The following HPS4 variants were observed in gnomAD, a reference collection of about 807,000 sequenced individuals.
HPS4 encodes BLOC-3 complex member HPS4.
Under a neutral mutation model 70.3 loss-of-function variants are expected in HPS4, and 44 were observed. The ratio of observed to expected loss-of-function variants is 0.63; its 90% CI spans 0.49 to 0.80. The LOEUF (loss-of-function observed/expected upper bound fraction) is 0.80. HPS4 is among the 30% of genes least tolerant of loss of function. The pLI is 0.00. For missense variants in HPS4, 873 were observed against 884.4 expected (o/e 0.99, Z 0.16); for synonymous variants, 377 against 355.9 (o/e 1.06, Z -0.67).
intron 2 of HPS4, among the ~76,000 whole-genome samples, chr22:26,479,945 C>A (rs550630398): frequency 6.6e-6 from 1 of 152,284 alleles, no homozygotes; most frequent in African/African-American, 2.4e-5. Context: ...ACTCTGAACT[C>A]CTCTCTACCA....
chr22:26,446,435 GGCTGCACGATGCAGTC>G (rs2084955612), downstream of HPS4, among the ~76,000 whole-genome samples: 2 of 152,268 alleles, frequency 1.3e-5, no homozygotes, highest in South Asian at 2.1e-4. Flanking sequence ...CCTTGACTGT[GGCTGCACGATGCAGTC>G]ACCCGGGAAC....
intron 2 of HPS4, among the ~76,000 whole-genome samples, chr22:26,480,051 T>C (rs2091109562): frequency 1.3e-5 from 2 of 152,234 alleles, no homozygotes; most frequent in African/African-American, 4.8e-5. Flanking sequence ...TGAATTTCCA[T>C]GACCCTCTGT....
chr22:26,479,221 G>A, intron 3 of HPS4, 44 bp downstream of exon 3: 1 of 1,600,768 alleles, frequency 6.2e-7, no homozygotes, highest in South Asian at 1.1e-5. Context: ...ACCACTTGGA[G>A]GCACTGGGAT....
At position 26,464,233 on chromosome 22, in the gene HPS4, C is replaced by T. The variant is rs142958812; in HGVS notation, c.1397G>A (p.Arg466His). Residue 466 changes from arginine to histidine, a missense_variant, in exon 11 of 14, where the codon CGC becomes CAC. Transcript: ENST00000398145. The stretch of plus-strand genomic sequence containing the variant: ...TAAGCGAGGCAATAACAAGGGCCTG[C>T]GGGTCCTTCTGGGGAGAGGGTCTGC... ...PRADPLPRRT[R>H]RPLLLPRLDP... 576 of 1,614,140 alleles carry T rather than the reference C, an allele frequency of 3.6e-4. 1 individual carries two copies. The highest frequency in any genetic ancestry group is 4.1e-4 in the Non-Finnish European group (488 of 1,180,028).
In HPS4 at chr22:26,453,411, G is replaced by C; in HGVS notation, c.1956-7C>G. 1 of 1,613,672 alleles carries C rather than the reference G, an allele frequency of 6.2e-7. No homozygotes were observed. Among genetic ancestry groups the C allele is most frequent in the Non-Finnish European group, 8.5e-7 (1 of 1,180,012 alleles). ...CACAGCCGTGGAGGCATTTCTGTTGGAGGAAGAAAGAAGGCAACGGTCCAA... is the reference window on the plus strand; with the variant it reads ...CACAGCCGTGGAGGCATTTCTGTTGCAGGAAGAAAGAAGGCAACGGTCCAA... On this transcript the variant is annotated splice_polypyrimidine_tract_variant and splice_region_variant and intron_variant, in intron 13 of 13. Coordinates refer to ENST00000398145, the MANE Select transcript of HPS4 (RefSeq NM_022081.6).
chr22:26,474,161 C>T (rs957386849), intron 4 of HPS4, among the ~76,000 whole-genome samples: 1 of 152,240 alleles, frequency 6.6e-6, no homozygotes, highest in African/African-American at 2.4e-5. Context: ...AGAACTTATA[C>T]TATCTGGTTT....
intron 10 of HPS4, among the ~76,000 whole-genome samples, chr22:26,465,241 A>G (rs148058072): frequency 1.3e-5 from 2 of 152,348 alleles, no homozygotes; most frequent in Non-Finnish European, 2.9e-5. Context: ...TAGCTGGTAT[A>G]AGTAAGAGAG....
chr22:26,476,927 G>C (rs1252662648), intron 4 of HPS4, 66 bp downstream of exon 4: 3 of 1,567,626 alleles, frequency 1.9e-6, no homozygotes, highest in African/African-American at 2.7e-5. Flanking sequence ...TCAAGACTCA[G>C]AAACAACATA....
At chr22:26,453,757 G>A (rs2085595525) in intron 13 of HPS4, 1 of 357,452 alleles carries the variant, frequency 2.8e-6, no homozygotes, top group East Asian at 7.1e-5. Flanking sequence ...TCTCTGCTTT[G>A]CCCCTCACAT....
In HPS4 at chr22:26,471,898, A is replaced by T. The variant is rs577546807; in HGVS notation, c.501+404T>A. 1.5e-3 allele frequency among the ~76,000 whole-genome samples: 232 copies of T among 152,312 alleles called. 1 individual carries two copies. The highest frequency in any genetic ancestry group is 5.2e-3 in the African/African-American group (216 of 41,578). ...AAACAGTTCCCAACCATTCTCTCTC[A>T]AAGACAGCAACCTTGTTTTTGAAAT... On this transcript the variant is annotated intron_variant, in intron 6 of 13. Transcript: ENST00000398145.
intron 2 of HPS4, chr22:26,479,749 G>A (rs1206231907): frequency 1.1e-6 from 1 of 934,276 alleles, no homozygotes; most frequent in African/African-American, 1.8e-5. Context: ...CTCCTCATAA[G>A]TGCTGAGCAC....
chr22:26,465,076 C>G (rs1208507091), intron 10 of HPS4, among the ~76,000 whole-genome samples: 2 of 152,220 alleles, frequency 1.3e-5, no homozygotes, highest in African/African-American at 4.8e-5. Context: ...TGACCCACAT[C>G]TGGAAGGTCT....
chr22:26,454,373 A>G (rs2085713528), intron 13 of HPS4, among the ~76,000 whole-genome samples: 1 of 152,222 alleles, frequency 6.6e-6, no homozygotes, highest in Non-Finnish European at 1.5e-5. Context: ...CTGGGCTGCT[A>G]TTCAACATTT....
At chr22:26,448,544 C>A (rs1179707722), downstream of HPS4, among the ~76,000 whole-genome samples, 2 of 152,184 alleles carry the variant, frequency 1.3e-5, no homozygotes, top group Non-Finnish European at 2.9e-5. Context: ...GGGCCTCAAG[C>A]CCTTTCCTCA....
chr22:26,445,942 C>T (rs969822783), downstream of HPS4, among the ~76,000 whole-genome samples: 1 of 152,194 alleles, frequency 6.6e-6, no homozygotes, highest in Non-Finnish European at 1.5e-5. Flanking sequence ...CTAGAAGCAG[C>T]CGGGCTGCCG....
At chr22:26,478,254 A>C (rs765935068) in intron 3 of HPS4, among the ~76,000 whole-genome samples, 5 of 151,898 alleles carry the variant, frequency 3.3e-5, no homozygotes, top group Non-Finnish European at 5.9e-5. Context: ...AGAGAGAAGA[A>C]GAGGTTCAGA....
intron 3 of HPS4, among the ~76,000 whole-genome samples, chr22:26,478,301 G>C (rs1457319023): frequency 1.3e-5 from 2 of 152,080 alleles, no homozygotes; most frequent in Non-Finnish European, 2.9e-5. Flanking sequence ...TGCCGGGCGT[G>C]GTGGCTCACG....
intron 13 of HPS4, among the ~76,000 whole-genome samples, chr22:26,455,092 G>A (rs1484256322): frequency 1.3e-5 from 2 of 152,060 alleles, no homozygotes; most frequent in Admixed American, 1.3e-4. Flanking sequence ...ACAGGTGCTG[G>A]AGAGGATGTG....
At chr22:26,461,316 ATAAT>A (rs2087220704) in intron 11 of HPS4, among the ~76,000 whole-genome samples, 1 of 152,242 alleles carries the variant, frequency 6.6e-6, no homozygotes, top group South Asian at 2.1e-4. Flanking sequence ...GTAGTGATAA[ATAAT>A]TAATCTGATC....
Sources: gnomAD v4.1 joint callset for allele counts (sites outside exome capture counted in the v4.1 genomes callset) on GRCh38, gnomAD v4.1.1 for gene constraint, MANE v1.5 for transcripts, NCBI Gene and HGNC (gene_info 2026-07-23, HGNC 2026-07-21) for gene names.